Variants in SLC25A31 observed in about 807,000 individuals in gnomAD.
SLC25A31 encodes ADP/ATP translocase 4.
Under a neutral mutation model 36.2 loss-of-function variants are expected in SLC25A31, and 40 were observed. The ratio of observed to expected loss-of-function variants is 1.10; its 90% CI spans 0.86 to 1.44. The LOEUF (loss-of-function observed/expected upper bound fraction) is 1.44. SLC25A31 is among the 40% of genes most tolerant of loss of function. The pLI is 0.00. For synonymous variants in SLC25A31, 143 were observed against 149.7 expected, an observed-to-expected ratio of 0.96 and a Z score of 0.32; for missense variants, 350 against 397.1, an observed-to-expected ratio of 0.88 and a Z score of 1.01.
intron 1 of SLC25A31, among the ~76,000 whole-genome samples, chr4:127,739,677 T>C (rs1174074235): frequency 6.6e-6 from 1 of 152,136 alleles, no homozygotes; most frequent in Non-Finnish European, 1.5e-5. Flanking sequence ...CAAATATGTT[T>C]TTTGGGTTGT....
chr4:127,749,154 G>A (rs1377035848), intron 2 of SLC25A31, among the ~76,000 whole-genome samples: 1 of 151,184 alleles, frequency 6.6e-6, no homozygotes, highest in Non-Finnish European at 1.5e-5. Flanking sequence ...TCAGTAGAGA[G>A]CTTTAACAGC....
At chr4:127,769,208 A>G (rs1732304017) in intron 5 of SLC25A31, among the ~76,000 whole-genome samples, 1 of 152,200 alleles carries the variant, frequency 6.6e-6, no homozygotes. Context: ...GCCCAGTCAC[A>G]AGCCATTGAG....
At position 127,768,737 on chromosome 4, in the gene SLC25A31, AT is replaced by A; in HGVS notation, c.634-10del. 4 of 1,568,896 alleles carry A rather than the reference AT, an allele frequency of 2.5e-6. No homozygotes were observed. The Admixed American group carries it at 5.9e-5, about 23-fold the overall frequency. On this transcript the variant is annotated splice_polypyrimidine_tract_variant and intron_variant, in intron 4 of 5. Transcript: ENST00000281154. The stretch of plus-strand genomic sequence containing the variant: ...AGAAATTTGGATAGTTACTTGGCAC[AT>A]TTTTCTTTTCTAGGGTTTATTACCA...
intron 2 of SLC25A31, among the ~76,000 whole-genome samples, chr4:127,753,266 C>T (rs192041535): frequency 1.1e-4 from 17 of 151,644 alleles, no homozygotes; most frequent in Non-Finnish European, 1.8e-4. Context: ...AATGTTAAAC[C>T]TTATAGAACT....
chr4:127,769,513 A>C (rs1307287188), intron 5 of SLC25A31, among the ~76,000 whole-genome samples: 2 of 152,228 alleles, frequency 1.3e-5, no homozygotes, highest in African/African-American at 4.8e-5. Flanking sequence ...ATATTTCAAA[A>C]TCTGAAAAAA....
chr4:127,747,631 A>G (rs1378515747), intron 2 of SLC25A31, among the ~76,000 whole-genome samples: 1 of 152,148 alleles, frequency 6.6e-6, no homozygotes, highest in East Asian at 1.9e-4. Context: ...CCTATCTCGT[A>G]GTTTTATTAT....
chr4:127,744,787 TAAAGAA>T lies in SLC25A31; in HGVS notation c.352_357del (p.Glu118_Lys119del), dbSNP rs1731794715. 1 of 1,526,286 alleles carries T rather than the reference TAAAGAA, an allele frequency of 6.6e-7. No individual in the cohort carries two copies. Among genetic ancestry groups the T allele is most frequent in the African/African-American group, 1.4e-5 (1 of 72,300 alleles). 94.5% of individuals were successfully genotyped at this position (1,526,286 alleles called of 1,614,324 possible). On this transcript the variant is annotated inframe_deletion, in exon 2 of 6. Transcript: ENST00000281154. ...AGCAGCTATTCATGTCTGGAGTTAA[TAAAGAA>T]AAACAGGTAATTATATTTTTTTTTT... is the stretch of plus-strand genomic sequence containing the variant.
intron 2 of SLC25A31, among the ~76,000 whole-genome samples, chr4:127,754,711 T>G (rs1425303909): frequency 1.3e-5 from 2 of 152,116 alleles, no homozygotes; most frequent in Admixed American, 6.6e-5. Context: ...GTTCATAGTT[T>G]GGAAAAATTA....
At chr4:127,753,320 G>GA (rs150965807) in intron 2 of SLC25A31, among the ~76,000 whole-genome samples, 4,671 of 149,074 alleles carry the variant, frequency 0.031, 292 homozygotes, top group East Asian at 0.26. Flanking sequence ...TTGAAGGAAG[G>GA]AAAAAAAAAT....
chr4:127,764,813 G>A (rs953107433), intron 3 of SLC25A31, among the ~76,000 whole-genome samples: 29 of 150,984 alleles, frequency 1.9e-4, no homozygotes, highest in Non-Finnish European at 4.3e-4. Flanking sequence ...TTGAGAAAGA[G>A]TGAAAAAAAA....
At chr4:127,762,706 C>T (rs770198187) in intron 2 of SLC25A31, among the ~76,000 whole-genome samples, 3 of 151,870 alleles carry the variant, frequency 2.0e-5, no homozygotes, top group Non-Finnish European at 4.4e-5. Context: ...ATCACGAGGT[C>T]AGGAGATGGA....
intron 2 of SLC25A31, among the ~76,000 whole-genome samples, chr4:127,757,642 G>T (rs1732055065): frequency 6.6e-6 from 1 of 152,104 alleles, no homozygotes; most frequent in African/African-American, 2.4e-5. Flanking sequence ...TCTTCCTTTG[G>T]ATAGATAGCC....
intron 1 of SLC25A31, among the ~76,000 whole-genome samples, chr4:127,738,763 C>T (rs1731680328): frequency 6.6e-6 from 1 of 151,958 alleles, no homozygotes; most frequent in African/African-American, 2.4e-5. Flanking sequence ...TGTAGAAGTA[C>T]TTGTTTTATA....
At chr4:127,731,602 G>T (rs958608526) in intron 1 of SLC25A31, among the ~76,000 whole-genome samples, 9 of 152,224 alleles carry the variant, frequency 5.9e-5, no homozygotes, top group African/African-American at 1.9e-4. Context: ...CCAGCTACTT[G>T]CGGGACCCTG....
At chr4:127,768,721 G>A in intron 4 of SLC25A31, 31 bp from the exon 5 acceptor site, 1 of 1,539,414 alleles carries the variant, frequency 6.5e-7, no homozygotes, top group Non-Finnish European at 8.7e-7. Context: ...TAGAAATTTG[G>A]ATAGTTACTT....
chr4:127,751,625 G>A (rs1031873540), intron 2 of SLC25A31, among the ~76,000 whole-genome samples: 5 of 152,204 alleles, frequency 3.3e-5, no homozygotes, highest in African/African-American at 1.2e-4. Context: ...TACCGTCAGA[G>A]TGAACAGGCA....
chr4:127,773,319 A>C, intron 5 of SLC25A31, 67 bp from the exon 6 acceptor site: 1 of 1,415,184 alleles, frequency 7.1e-7, no homozygotes, highest in Non-Finnish European at 9.6e-7. Flanking sequence ...CCTTAGTGCT[A>C]ATAGAAGACT....
intron 2 of SLC25A31, among the ~76,000 whole-genome samples, chr4:127,745,733 A>G (rs1029477777): frequency 1.7e-4 from 26 of 152,158 alleles, no homozygotes; most frequent in African/African-American, 5.1e-4. Context: ...ACAGGTAGAA[A>G]GGTAACCAAG....
intron 3 of SLC25A31, 45 bp from the exon 4 acceptor site, chr4:127,767,021 T>C: frequency 6.7e-7 from 1 of 1,490,134 alleles, no homozygotes; most frequent in African/African-American, 1.4e-5. Context: ...AAGTGTTTAT[T>C]GGATATATAA....
Sources: gnomAD v4.1 joint callset for allele counts (sites outside exome capture counted in the v4.1 genomes callset) on GRCh38, gnomAD v4.1.1 for gene constraint, MANE v1.5 for transcripts, NCBI Gene and HGNC (gene_info 2026-07-23, HGNC 2026-07-21) for gene names.